The following RPS9 variants were observed in gnomAD, a reference collection of about 807,000 sequenced individuals.
The protein encoded by RPS9 is small ribosomal subunit protein uS4.
Under a neutral mutation model 16.9 loss-of-function variants are expected in RPS9, and 1 was observed. The ratio of observed to expected loss-of-function variants is 0.06; its 90% CI spans 0.02 to 0.28. The LOEUF (loss-of-function observed/expected upper bound fraction) is 0.28. Ranked by LOEUF, RPS9 falls within the 10% of genes least tolerant of loss-of-function variation. RPS9 has a pLI of 1.00. For missense variants in RPS9, 137 were observed against 273.2 expected (o/e 0.50, Z 3.51); for synonymous variants, 106 against 110.9 (o/e 0.96, Z 0.28).
intron 1 of RPS9, 107 bp from the exon 2 acceptor site, chr19:54,201,053 G>A: frequency 6.7e-7 from 1 of 1,499,516 alleles, no homozygotes; most frequent in Non-Finnish European, 8.9e-7. Context: ...GAGCGTTGGA[G>A]GTTATTCTCG....
intron 4 of RPS9, chr19:54,206,742 C>T (rs991030007): frequency 1.3e-5 from 19 of 1,464,896 alleles, no homozygotes; most frequent in African/African-American, 2.8e-5. Context: ...CTCTTGGTGT[C>T]CCCAGTGGAG....
At chr19:54,201,384 GTA>G in intron 2 of RPS9, 101 bp from the exon 3 acceptor site, 1 of 1,606,594 alleles carries the variant, frequency 6.2e-7, no homozygotes. Context: ...CCTAAATTTG[GTA>G]CTATTCGTGG....
chr19:54,201,154 G>A lies in RPS9; in HGVS notation c.-25-6G>A, dbSNP rs1370589100. On this transcript the variant is annotated splice_region_variant and splice_polypyrimidine_tract_variant and intron_variant, in intron 1 of 4. Transcript: ENST00000302907. ...TCCCTTACGCTCACACTTCTCTCCC[G>A]CGCAGGCGCAGACGGGGAAGCGGAG... 1 of 1,612,588 alleles carries A rather than the reference G, an allele frequency of 6.2e-7. No homozygotes were observed. Among genetic ancestry groups the A allele is most frequent in the Non-Finnish European group, 8.5e-7 (1 of 1,179,896 alleles).
chr19:54,206,431 G>T lies in RPS9; in HGVS notation c.376G>T (p.Ala126Ser), dbSNP rs2147157846. ...KLGLAKSIHHARVLIRQRHIR... is the reference protein window; with the variant it reads ...KLGLAKSIHHSRVLIRQRHIR... The stretch of plus-strand genomic sequence containing the variant: ...GGGCTTGGCCAAGTCCATCCACCAC[G>T]CTCGCGTGCTGATCCGCCAGCGCCA... Residue 126 changes from alanine (A) to serine (S), a missense_variant, in exon 4 of 5, where the codon GCT becomes TCT. Around this residue, in one of 3 missense-constraint regions of RPS9, gnomAD observed 54 missense variants for 90.9 expected, o/e 0.59. Transcript: ENST00000302907. 2 of 1,614,264 alleles carry T rather than the reference G, an allele frequency of 1.2e-6. No individual in the cohort carries two copies. Among genetic ancestry groups the T allele is most frequent in the Middle Eastern group, 1.6e-4 (1 of 6,062 alleles).
rs753366209 is a variant in RPS9, at chr19:54,207,554, A to AGAC, written c.570_572dup (p.Asp190dup). On this transcript the variant is annotated inframe_insertion, in exon 5 of 5. Coordinates refer to ENST00000302907, the MANE Select transcript of RPS9 (RefSeq NM_001013.4). ...AGGGCCAGGGTGGGGCTGGGGCTGG[A>AGAC]GACGACGAGGAGGAGGATTAAGTCC... is the stretch of plus-strand genomic sequence containing the variant. 1.2e-6 allele frequency: 2 copies of AGAC among 1,611,302 alleles called. No homozygotes were observed. The highest frequency in any genetic ancestry group is 1.1e-5 in the South Asian group (1 of 90,930).
chr19:54,205,735 G>T (rs1459758940), intron 3 of RPS9, among the ~76,000 whole-genome samples: 1 of 152,154 alleles, frequency 6.6e-6, no homozygotes, highest in African/African-American at 2.4e-5. Flanking sequence ...GCTCTCAGAT[G>T]AGGAGGCAGG....
intron 3 of RPS9, 40 bp downstream of exon 3, chr19:54,201,649 G>A (rs1339289254): frequency 6.2e-7 from 1 of 1,610,482 alleles, no homozygotes; most frequent in Non-Finnish European, 8.5e-7. Context: ...GGGGTGCAGG[G>A]CTTGTGAGGT....
rs1322238073 is a variant in RPS9, at chr19:54,201,680, T to G, written c.220+71T>G. On this transcript the variant is annotated intron_variant, in intron 3 of 4. Transcript: ENST00000302907. The stretch of plus-strand genomic sequence containing the variant: ...GAGGTTCATTCTCCCTTCTGTTGCC[T>G]CTGTTCCAGTGATGAGAGTTGTGTC... 7 of 1,594,168 alleles carry G rather than the reference T, an allele frequency of 4.4e-6. No homozygotes were observed. The African/African-American group carries it at 8.1e-5, about 18-fold the overall frequency.
chr19:54,201,635 G>T, intron 3 of RPS9, 26 bp downstream of exon 3: 1 of 1,613,800 alleles, frequency 6.2e-7, no homozygotes, highest in Non-Finnish European at 8.5e-7. Context: ...CACAGCAGAG[G>T]GATGGGGTGC....
chr19:54,203,781 C>CTA (rs5828576), intron 3 of RPS9, among the ~76,000 whole-genome samples: 1 of 133,042 alleles, frequency 7.5e-6, no homozygotes, highest in Admixed American at 8.0e-5. Context: ...TCCCCCCCCA[C>CTA]CCCCCAGCAC....
intron 3 of RPS9, among the ~76,000 whole-genome samples, chr19:54,204,859 T>A (rs755130566): frequency 7.2e-5 from 11 of 152,068 alleles, no homozygotes; most frequent in Non-Finnish European, 4.4e-5. Context: ...TGATGTTGAG[T>A]TAAAAAAGAA....
At position 54,201,534 on chromosome 19, in the gene RPS9, A is replaced by G; in HGVS notation, c.145A>G (p.Thr49Ala). 1 of 1,614,006 alleles carries G rather than the reference A, an allele frequency of 6.2e-7. No homozygotes were observed. The highest frequency in any genetic ancestry group is 2.2e-5 in the East Asian group (1 of 44,874). Residue 49 changes from threonine to alanine, a missense_variant, in exon 3 of 5, where the codon ACC (threonine) becomes GCC (alanine). This residue lies in a region of RPS9 where 64 missense variants were observed against 164.0 expected (regional missense o/e 0.39). Coordinates refer to ENST00000302907, the MANE Select transcript of RPS9 (RefSeq NM_001013.4). ...NKREVWRVKFTLAKIRKAARE... is the reference protein window; with the variant it reads ...NKREVWRVKFALAKIRKAARE... ...ACGTGAGGTCTGGAGGGTCAAATTT[A>G]CCCTGGCCAAGATCCGCAAGGCCGC...
chr19:54,200,948 C>T lies in RPS9; in HGVS notation c.-26+60C>T, dbSNP rs1477913224. On this transcript the variant is annotated intron_variant, in intron 1 of 4. Transcript: ENST00000302907. ...TGGGTTGGATGGTGGCCCGGGCCTT[C>T]CGAGTTTCCATGAGTAAGCTAAAGA... 8 of 1,384,706 alleles carry T rather than the reference C, an allele frequency of 5.8e-6. No homozygotes were observed. The East Asian group carries it at 2.2e-4, about 39-fold the overall frequency. The allele number at this position is 1,384,706 out of a possible 1,614,324, so 85.8% of individuals were successfully genotyped here. A position where few individuals can be genotyped will look rare whatever the true frequency, so the allele number is the denominator to read the frequency against.
intron 4 of RPS9, 81 bp from the exon 5 acceptor site, chr19:54,207,317 G>A: frequency 1.6e-6 from 2 of 1,263,246 alleles, no homozygotes; most frequent in South Asian, 2.7e-5. Context: ...CACGGGGTGG[G>A]TGGAGAGGAA....
At position 54,207,407 on chromosome 19, in the gene RPS9, G is replaced by T; in HGVS notation, c.417G>T (p.Lys139Asn). Reference protein sequence around the residue: ...LIRQRHIRVRKQVVNIPSFIV... With the variant: ...LIRQRHIRVRNQVVNIPSFIV... The stretch of plus-strand genomic sequence containing the variant: ...TTGTCGCTGCTTCCAGGGTCCGCAA[G>T]CAGGTGGTGAACATCCCGTCCTTCA... The change falls in exon 5 of 5, where the codon AAG (lysine) becomes AAT (asparagine). Residue 139 changes from lysine (K) to asparagine (N), a missense_variant. Lys to Asn is a moderately conservative substitution (Grantham distance 94). Transcript: ENST00000302907. 6.2e-7 allele frequency: 1 copy of T among 1,611,464 alleles called. No homozygotes were observed. The highest frequency in any genetic ancestry group is 1.3e-5 in the African/African-American group (1 of 74,982).
intron 3 of RPS9, 33 bp downstream of exon 3, chr19:54,201,642 G>A (rs1363627754): frequency 6.2e-7 from 1 of 1,612,910 alleles, no homozygotes; most frequent in Non-Finnish European, 8.5e-7. Flanking sequence ...GAGGGATGGG[G>A]TGCAGGGCTT....
chr19:54,203,397 T>A, intron 3 of RPS9: 2 of 729,218 alleles, frequency 2.7e-6, no homozygotes, highest in Non-Finnish European at 3.4e-6. Context: ...CCCACTAAGA[T>A]GTGTGACTAG....
intron 4 of RPS9, chr19:54,206,727 A>G (rs576445149): frequency 1.3e-6 from 2 of 1,486,926 alleles, no homozygotes; most frequent in South Asian, 2.6e-5. Context: ...CTGGACAGGT[A>G]ACAGCTCTTG....
chr19:54,203,937 T>C (rs1403510166), intron 3 of RPS9, among the ~76,000 whole-genome samples: 4 of 152,362 alleles, frequency 2.6e-5, no homozygotes, highest in African/African-American at 9.6e-5. Context: ...TTAAATTCTC[T>C]TGGTGCATTG....
Sources: allele counts gnomAD v4.1 joint callset (sites outside exome capture counted in the v4.1 genomes callset), GRCh38; gene constraint gnomAD v4.1.1; regional missense constraint gnomAD v4.1.1; transcripts MANE v1.5; gene names NCBI Gene and HGNC (gene_info 2026-07-23, HGNC 2026-07-21).